KDM1B: variants seen among roughly 807,000 people sequenced by gnomAD.
The protein encoded by KDM1B is lysine demethylase 1B.
A neutral mutation model predicts 107.4 loss-of-function variants in KDM1B; 63 were observed. The ratio of observed to expected loss-of-function variants is 0.59; its 90% confidence interval spans 0.48 to 0.72. The LOEUF (loss-of-function observed/expected upper bound fraction) is 0.72. Among genes scored for constraint, KDM1B ranks in the 30% least tolerant of loss-of-function variants. KDM1B has a pLI of 0.00. For synonymous variants in KDM1B, 363 were observed against 363.9 expected (o/e 1.00, Z 0.03); for missense variants, 749 against 1,020.8 (o/e 0.73, Z 3.63).
At chr6:18,196,447 G>C (rs1401068995) in intron 10 of KDM1B, among the ~76,000 whole-genome samples, 1 of 151,860 alleles carries the variant, frequency 6.6e-6, no homozygotes, top group African/African-American at 2.4e-5. Context: ...CACCAACAGT[G>C]AATAAGGGTT....
intron 12 of KDM1B, among the ~76,000 whole-genome samples, chr6:18,199,022 A>AG (rs1314235069): frequency 1.1e-4 from 16 of 148,514 alleles, no homozygotes; most frequent in Middle Eastern, 3.4e-3. Flanking sequence ...AAAAAAAAAA[A>AG]AAAAAAAAAA....
At chr6:18,215,916 C>T (rs1356950733) in intron 20 of KDM1B, among the ~76,000 whole-genome samples, 3 of 151,816 alleles carry the variant, frequency 2.0e-5, no homozygotes, top group Admixed American at 6.6e-5. Context: ...GCTCAGGATA[C>T]TTTGTTTGCC....
At chr6:18,156,630 C>T (rs764136579) in intron 2 of KDM1B, among the ~76,000 whole-genome samples, 4 of 152,036 alleles carry the variant, frequency 2.6e-5, no homozygotes, top group African/African-American at 9.6e-5. Flanking sequence ...CATTGAACTG[C>T]ATGTTGAATA....
intron 2 of KDM1B, among the ~76,000 whole-genome samples, chr6:18,156,537 G>T (rs191431126): frequency 6.6e-6 from 1 of 152,230 alleles, no homozygotes; most frequent in Admixed American, 6.5e-5. Flanking sequence ...GGAGGTACAT[G>T]AGAAAATTAC....
In KDM1B at chr6:18,215,027, G is replaced by A; in HGVS notation, c.2130G>A (p.Met710Ile). Residue 710 changes from methionine to isoleucine, a missense_variant, in exon 20 of 22, where the codon ATG (methionine) becomes ATA (isoleucine). Coordinates refer to ENST00000650836, the MANE Select transcript of KDM1B (RefSeq NM_001364614.2). ...MDPQKKHSVL[M>I]SVIAGEAVAS... is the part of the protein sequence containing the mutation. Reference sequence around the variant, plus strand: ...TCCAGAAGAAGCACAGCGTGCTGATGTCTGTGATTGCCGGGGAGGCTGTCG... The same window carrying A: ...TCCAGAAGAAGCACAGCGTGCTGATATCTGTGATTGCCGGGGAGGCTGTCG... 2 of 1,614,082 alleles carry A rather than the reference G, an allele frequency of 1.2e-6. No homozygotes were observed. Among genetic ancestry groups the A allele is most frequent in the South Asian group, 2.2e-5 (2 of 91,090 alleles).
At chr6:18,174,458 T>C (rs2150841398) in intron 7 of KDM1B, among the ~76,000 whole-genome samples, 1 of 152,274 alleles carries the variant, frequency 6.6e-6, no homozygotes, top group Middle Eastern at 3.4e-3. Flanking sequence ...GATACGTATT[T>C]ATTTTTATTT....
chr6:18,191,456 G>A lies in KDM1B; in HGVS notation c.969+75G>A, dbSNP rs1787279321. On this transcript the variant is annotated intron_variant, in intron 10 of 21. Coordinates refer to ENST00000650836, the MANE Select transcript of KDM1B (RefSeq NM_001364614.2). The surrounding 1 kb of genome is among the most constrained non-coding windows in gnomAD (Gnocchi z 5.1). Reference sequence around the variant, plus strand: ...TGAAAAGGAGGGGATACTTCATCTGGGGATGGAACCTTTTATGCCAGGGTT... The same window carrying A: ...TGAAAAGGAGGGGATACTTCATCTGAGGATGGAACCTTTTATGCCAGGGTT... 1.4e-6 allele frequency: 2 copies of A among 1,416,528 alleles called. No homozygotes were observed. Among genetic ancestry groups the A allele is most frequent in the East Asian group, 2.5e-5 (1 of 39,694 alleles). 87.7% of individuals were successfully genotyped at this position (1,416,528 alleles called of 1,614,324 possible).
rs1001202700 is a variant in KDM1B, at chr6:18,201,063, G to C, written c.1360-423G>C. 2.0e-5 allele frequency among the ~76,000 whole-genome samples: 3 copies of C among 152,186 alleles called. No homozygotes were observed. The highest frequency in any genetic ancestry group is 6.5e-5 in the Admixed American group (1 of 15,270). On this transcript the variant is annotated intron_variant, in intron 13 of 21. Transcript: ENST00000650836. The surrounding 1 kb of genome is among the most constrained non-coding windows in gnomAD (Gnocchi z 4.3). Reference sequence around the variant, plus strand: ...CAGTCATAGAGAGTTTATTTGAAGAGTTGGTAGGCCCAAGACTTTTTCTGA... The same window carrying C: ...CAGTCATAGAGAGTTTATTTGAAGACTTGGTAGGCCCAAGACTTTTTCTGA...
chr6:18,179,835 C>A (rs1786307433), intron 7 of KDM1B, among the ~76,000 whole-genome samples: 1 of 71,532 alleles, frequency 1.4e-5, no homozygotes, highest in Non-Finnish European at 2.8e-5. Flanking sequence ...TTCAATTTAG[C>A]ATTGGTTTTT....
At chr6:18,182,519 CTTCT>C (rs1443118103) in intron 7 of KDM1B, among the ~76,000 whole-genome samples, 6 of 151,944 alleles carry the variant, frequency 3.9e-5, no homozygotes, top group African/African-American at 1.2e-4. Flanking sequence ...ATAAAGAGCT[CTTCT>C]TTCTCTTCAT....
At chr6:18,175,839 A>G (rs1785963300) in intron 7 of KDM1B, among the ~76,000 whole-genome samples, 1 of 152,124 alleles carries the variant, frequency 6.6e-6, no homozygotes, top group Non-Finnish European at 1.5e-5. Flanking sequence ...GCCTATTTTT[A>G]TACCAGTACC....
intron 21 of KDM1B, among the ~76,000 whole-genome samples, 155 bp from the exon 22 acceptor site, chr6:18,221,754 A>C (rs1341917264): frequency 1.3e-5 from 2 of 152,352 alleles, no homozygotes; most frequent in South Asian, 2.1e-4. Context: ...AGATAACCAG[A>C]AAAGTTCCAG....
At chr6:18,185,330 C>G (rs915540773) in intron 7 of KDM1B, among the ~76,000 whole-genome samples, 2 of 148,330 alleles carry the variant, frequency 1.3e-5, no homozygotes, top group Non-Finnish European at 3.0e-5. Context: ...GAGATGGAGT[C>G]TCGCTCTGTT....
chr6:18,177,229 C>G (rs551496552), intron 7 of KDM1B, among the ~76,000 whole-genome samples: 2 of 152,204 alleles, frequency 1.3e-5, no homozygotes, highest in Admixed American at 6.5e-5. Context: ...TCCATGTCTT[C>G]TAGGTTTTCT....
At chr6:18,188,336 A>G (rs1472057140) in intron 9 of KDM1B, among the ~76,000 whole-genome samples, 2 of 152,216 alleles carry the variant, frequency 1.3e-5, no homozygotes, top group Non-Finnish European at 2.9e-5. Flanking sequence ...ATTTGTGTAT[A>G]GTGTGTGGTT....
At chr6:18,156,507 T>C (rs879623448) in intron 2 of KDM1B, among the ~76,000 whole-genome samples, 24 of 151,972 alleles carry the variant, frequency 1.6e-4, no homozygotes, top group Non-Finnish European at 2.6e-4. Flanking sequence ...GAAAGGCGAG[T>C]GGGAGAGAAG....
chr6:18,189,248 T>A (rs12195683), intron 9 of KDM1B, among the ~76,000 whole-genome samples: 2,507 of 152,298 alleles, frequency 0.016, 39 homozygotes, highest in Non-Finnish European at 0.024. Flanking sequence ...TTGTTGTTGT[T>A]GTTTACCAAT....
In KDM1B at chr6:18,217,832, G is replaced by A; in HGVS notation, c.2332G>A (p.Ala778Thr). 1 of 1,613,980 alleles carries A rather than the reference G, an allele frequency of 6.2e-7. No homozygotes were observed. Among genetic ancestry groups the A allele is most frequent in the Non-Finnish European group, 8.5e-7 (1 of 1,179,954 alleles). ...TGTGAAGACAGGTGGAAGTGGGGAGGCCTACGATATCATTGCTGAAGACAT... is the reference window on the plus strand; with the variant it reads ...TGTGAAGACAGGTGGAAGTGGGGAGACCTACGATATCATTGCTGAAGACAT... ...SFVKTGGSGEAYDIIAEDIQG... is the reference protein window; with the variant it reads ...SFVKTGGSGETYDIIAEDIQG... The change falls in exon 21 of 22, where the codon GCC (alanine) becomes ACC (threonine). Residue 778 changes from alanine (A) to threonine (T), a missense_variant. Transcript: ENST00000650836.
chr6:18,213,826 T>C lies in KDM1B; in HGVS notation c.2109+45T>C. 6.2e-7 allele frequency: 1 copy of C among 1,608,666 alleles called. No individual in the cohort carries two copies. Among genetic ancestry groups the C allele is most frequent in the Non-Finnish European group, 8.5e-7 (1 of 1,175,410 alleles). On this transcript the variant is annotated intron_variant, in intron 19 of 21. Transcript: ENST00000650836. The surrounding 1 kb of genome is among the most constrained non-coding windows in gnomAD (Gnocchi z 5.9). Reference sequence around the variant, plus strand: ...GTGGTTTGAATTTCCGTCTTAAAGTTTAGAATTTGATGTGATAATTACTCA... The same window carrying C: ...GTGGTTTGAATTTCCGTCTTAAAGTCTAGAATTTGATGTGATAATTACTCA...
Sources: gnomAD v4.1 joint callset for allele counts (sites outside exome capture counted in the v4.1 genomes callset) on GRCh38, gnomAD v4.1.1 for gene constraint, Gnocchi (gnomAD v3.1) non-coding constraint, MANE v1.5 for transcripts, NCBI Gene and HGNC (gene_info 2026-07-23, HGNC 2026-07-21) for gene names.